Variants in SUMF1 observed in about 807,000 individuals in gnomAD.
The protein encoded by SUMF1 is formylglycine-generating enzyme.
Under a neutral mutation model 47.6 loss-of-function variants are expected in SUMF1, and 48 were observed. The ratio of observed to expected loss-of-function variants is 1.01; its 90% CI spans 0.80 to 1.28. SUMF1 has a LOEUF of 1.28. Among genes scored for constraint, SUMF1 ranks in the 50% most tolerant of loss-of-function variants. SUMF1 has a pLI of 0.00. For missense variants in SUMF1, 571 were observed against 485.4 expected, an observed-to-expected ratio of 1.18 and a Z score of -1.66; for synonymous variants, 230 against 192.1, an observed-to-expected ratio of 1.20 and a Z score of -1.63.
intron 8 of SUMF1, among the ~76,000 whole-genome samples, chr3:4,204,780 T>C (rs1405527930): frequency 6.6e-6 from 1 of 152,084 alleles, no homozygotes; most frequent in East Asian, 1.9e-4. Context: ...CACTGATGTA[T>C]TTTTTCAGTT....
intron 1 of SUMF1, among the ~76,000 whole-genome samples, chr3:4,463,176 A>G (rs1449409775): frequency 6.6e-6 from 1 of 152,242 alleles, no homozygotes; most frequent in South Asian, 2.1e-4. Flanking sequence ...CCAATGTAGA[A>G]TATCAGACAA....
intron 8 of SUMF1, among the ~76,000 whole-genome samples, chr3:4,356,110 TC>T (rs773513189): frequency 6.6e-6 from 1 of 152,214 alleles, no homozygotes; most frequent in Non-Finnish European, 1.5e-5. Context: ...GTGCCAAAGC[TC>T]CATCTGAGGC....
At chr3:4,265,792 G>A (rs954209265) in intron 8 of SUMF1, among the ~76,000 whole-genome samples, 5 of 152,172 alleles carry the variant, frequency 3.3e-5, no homozygotes, top group Admixed American at 2.6e-4. Flanking sequence ...TTTTAGACAT[G>A]AAGTCCTTGC....
chr3:4,233,702 A>G (rs1025593963), intron 8 of SUMF1, among the ~76,000 whole-genome samples: 4 of 152,166 alleles, frequency 2.6e-5, no homozygotes, highest in Non-Finnish European at 5.9e-5. Context: ...CAGATGTGAA[A>G]TGCTATTACA....
At chr3:4,132,780 A>G (rs1008045048) in intron 8 of SUMF1, among the ~76,000 whole-genome samples, 10 of 152,148 alleles carry the variant, frequency 6.6e-5, no homozygotes, top group Non-Finnish European at 1.0e-4. Flanking sequence ...GGTGACTGAC[A>G]CAGACTATCA....
intron 7 of SUMF1, among the ~76,000 whole-genome samples, chr3:4,407,958 A>T (rs538935382): frequency 1.1e-4 from 16 of 152,340 alleles, no homozygotes; most frequent in Admixed American, 3.3e-4. Context: ...ACAGGGACTG[A>T]AGCTCTGCTT....
chr3:4,300,950 C>T (rs1021541991), intron 8 of SUMF1, among the ~76,000 whole-genome samples: 2 of 151,994 alleles, frequency 1.3e-5, no homozygotes, highest in South Asian at 2.1e-4. Context: ...TATAAATGTA[C>T]CAAAATCATT....
chr3:4,289,383 G>A (rs796261517), intron 8 of SUMF1, among the ~76,000 whole-genome samples: 24 of 152,292 alleles, frequency 1.6e-4, no homozygotes, highest in African/African-American at 5.3e-4. Context: ...TTTTATGGGT[G>A]AGGAAAGAGG....
chr3:4,282,636 G>C (rs558372042), intron 8 of SUMF1, among the ~76,000 whole-genome samples: 5 of 152,152 alleles, frequency 3.3e-5, no homozygotes, highest in Non-Finnish European at 5.9e-5. Flanking sequence ...CGATACCAGC[G>C]CAAGAGTGGA....
rs1699742672 is a variant in SUMF1, at chr3:4,361,173, C to T, written c.*971G>A. The T allele has an allele frequency of 6.6e-6, 1 of 152,406 alleles. No homozygotes were observed. Among genetic ancestry groups the T allele is most frequent in the African/African-American group, 2.4e-5 (1 of 41,458 alleles). The allele number at this position is 152,406 out of a possible 1,614,324, so 9.4% of individuals were successfully genotyped here. ...TGATTTAGCAGATACGTTTATTCAA[C>T]ACAGTGCATGATTCAAAGCATCGGA... is the stretch of plus-strand genomic sequence containing the variant. On this transcript the variant is annotated 3_prime_UTR_variant, in exon 9 of 9. Coordinates refer to ENST00000272902, the MANE Select transcript of SUMF1 (RefSeq NM_182760.4).
intron 9 of SUMF1, among the ~76,000 whole-genome samples, chr3:4,061,437 AC>A (rs1695275391): frequency 6.6e-6 from 1 of 151,764 alleles, no homozygotes; most frequent in South Asian, 2.1e-4. Context: ...CCTCTTCCTT[AC>A]CCCTCATTAA....
chr3:4,301,645 T>C (rs1258943788), intron 8 of SUMF1, among the ~76,000 whole-genome samples: 1 of 152,170 alleles, frequency 6.6e-6, no homozygotes, highest in Non-Finnish European at 1.5e-5. Flanking sequence ...ATGAGTCTAG[T>C]GAAGTGAAGG....
At chr3:4,346,586 C>G (rs1699378872) in intron 8 of SUMF1, among the ~76,000 whole-genome samples, 1 of 151,858 alleles carries the variant, frequency 6.6e-6, no homozygotes, top group Non-Finnish European at 1.5e-5. Context: ...AGAAAGATCT[C>G]AAATCGATAC....
chr3:4,315,812 T>C (rs183404152), intron 8 of SUMF1, among the ~76,000 whole-genome samples: 178 of 152,154 alleles, frequency 1.2e-3, no homozygotes, highest in South Asian at 2.3e-3. Context: ...TTTGGGAGGC[T>C]GAGGCAGGCA....
Position 4,461,143 on chromosome 3 carries a change from T to G in SUMF1, c.270+5833A>C, listed in dbSNP as rs1031473497. On this transcript the variant is annotated intron_variant, in intron 1 of 8. Coordinates refer to ENST00000272902, the MANE Select transcript of SUMF1 (RefSeq NM_182760.4). ...AATTTATCATTTGAATTATGCATAA[T>G]TATAAAAATGCTATTTAATTTATAA... is the stretch of plus-strand genomic sequence containing the variant. Among the ~76,000 whole-genome samples the G allele has an allele frequency of 3.0e-4, 45 of 152,212 alleles. 1 individual carries two copies. Among genetic ancestry groups the G allele is most frequent in the African/African-American group, 1.1e-3 (45 of 41,440 alleles).
At chr3:4,063,940 T>A (rs1695321443) in intron 9 of SUMF1, among the ~76,000 whole-genome samples, 1 of 152,132 alleles carries the variant, frequency 6.6e-6, no homozygotes, top group South Asian at 2.1e-4. Context: ...CACTTGACAT[T>A]CTATAAAGGG....
At chr3:4,050,596 C>A (rs750027730) in intron 9 of SUMF1, among the ~76,000 whole-genome samples, 8 of 150,820 alleles carry the variant, frequency 5.3e-5, no homozygotes, top group Non-Finnish European at 4.4e-5. Flanking sequence ...ACAAAAAATT[C>A]GTCAGGTGTG....
At chr3:4,465,772 T>A (rs529626599) in intron 1 of SUMF1, among the ~76,000 whole-genome samples, 25 of 152,164 alleles carry the variant, frequency 1.6e-4, no homozygotes, top group Non-Finnish European at 3.4e-4. Flanking sequence ...CACAGTCCAG[T>A]TGGGGAGAGA....
intron 7 of SUMF1, among the ~76,000 whole-genome samples, chr3:4,405,324 G>A (rs1701341734): frequency 6.6e-6 from 1 of 152,150 alleles, no homozygotes; most frequent in African/African-American, 2.4e-5. Flanking sequence ...GGTGGCCTCT[G>A]CACACCACAG....
Sources: gnomAD v4.1 joint callset for allele counts (sites outside exome capture counted in the v4.1 genomes callset) on GRCh38, gnomAD v4.1.1 for gene constraint, MANE v1.5 for transcripts, NCBI Gene and HGNC (gene_info 2026-07-23, HGNC 2026-07-21) for gene names.